The following PRKCB variants were observed in gnomAD, a reference collection of about 807,000 sequenced individuals.
PRKCB encodes protein kinase C beta type.
In PRKCB, 13 loss-of-function variants were observed where a neutral mutation model predicts 81.5. That is an observed-to-expected ratio of 0.16 (90% confidence interval 0.10 to 0.25). The LOEUF (loss-of-function observed/expected upper bound fraction) is 0.25, where lower values mean the gene tolerates loss of function less well. Among genes scored for constraint, PRKCB ranks in the 10% least tolerant of loss-of-function variants. The pLI, the probability that PRKCB is intolerant of heterozygous loss-of-function variation, is 1.00. For synonymous variants in PRKCB, 335 were observed against 321.4 expected, an observed-to-expected ratio of 1.04 and a Z score of -0.45; for missense variants, 509 against 875.7, an observed-to-expected ratio of 0.58 and a Z score of 5.29.
At chr16:23,984,040 G>T (rs1313715758) in intron 2 of PRKCB, among the ~76,000 whole-genome samples, 1 of 152,116 alleles carries the variant, frequency 6.6e-6, no homozygotes, top group African/African-American at 2.4e-5. Flanking sequence ...TTAGAAACTT[G>T]ATACAATGAT....
At chr16:23,941,489 A>G (rs1429932619) in intron 2 of PRKCB, among the ~76,000 whole-genome samples, 1 of 152,214 alleles carries the variant, frequency 6.6e-6, no homozygotes, top group Non-Finnish European at 1.5e-5. Flanking sequence ...ACTTATAAAC[A>G]CAGAGAAAAC....
At chr16:24,127,635 G>A (rs907618400) in intron 9 of PRKCB, among the ~76,000 whole-genome samples, 2 of 151,758 alleles carry the variant, frequency 1.3e-5, no homozygotes, top group Admixed American at 1.3e-4. Context: ...GGGGTTGGGG[G>A]GTAGTGGGTG....
chr16:24,000,391 C>T (rs921304531), intron 3 of PRKCB, among the ~76,000 whole-genome samples: 26 of 152,178 alleles, frequency 1.7e-4, no homozygotes, highest in Non-Finnish European at 3.5e-4. Context: ...TTATTGATCA[C>T]GTCAATGGTG....
intron 2 of PRKCB, among the ~76,000 whole-genome samples, chr16:23,854,042 G>A (rs1049777154): frequency 6.0e-5 from 9 of 149,922 alleles, no homozygotes; most frequent in East Asian, 2.0e-4. Context: ...ATCAGATCTC[G>A]TGAGACTTAT....
chr16:24,068,384 A>C (rs997174390), intron 5 of PRKCB, among the ~76,000 whole-genome samples: 6 of 151,960 alleles, frequency 3.9e-5, no homozygotes, highest in Admixed American at 3.9e-4. Context: ...AATAAGCTTC[A>C]AGCTCTGGTG....
In PRKCB at chr16:23,986,961, T is replaced by TAAGCA. The variant is rs899665635; in HGVS notation, c.206-1543_206-1539dup. 4.0e-4 allele frequency among the ~76,000 whole-genome samples: 61 copies of TAAGCA among 152,322 alleles called. 1 individual carries two copies. Among genetic ancestry groups the TAAGCA allele is most frequent in the African/African-American group, 1.3e-3 (54 of 41,572 alleles). On this transcript the variant is annotated intron_variant, in intron 2 of 16. Transcript: ENST00000643927. The stretch of plus-strand genomic sequence containing the variant: ...TGTATCCTCAAAGATAAGGATTCTA[T>TAAGCA]AAGCAAAGAAAAACAAGACCATTAT...
chr16:23,852,255 G>C (rs1962485521), intron 2 of PRKCB, among the ~76,000 whole-genome samples: 1 of 152,162 alleles, frequency 6.6e-6, no homozygotes, highest in Non-Finnish European at 1.5e-5. Context: ...TCATAATAGA[G>C]CCCATAGTGT....
At chr16:24,175,366 A>G (rs1207336133) in intron 12 of PRKCB, among the ~76,000 whole-genome samples, 1 of 151,970 alleles carries the variant, frequency 6.6e-6, no homozygotes. Context: ...CACATTTATC[A>G]AATCCTACTA....
At chr16:23,876,449 G>A (rs1303657535) in intron 2 of PRKCB, among the ~76,000 whole-genome samples, 7 of 152,076 alleles carry the variant, frequency 4.6e-5, no homozygotes, top group South Asian at 2.1e-4. Context: ...CACTTCCCCC[G>A]TCCACCAGAT....
At chr16:23,946,666 C>A (rs1964206926) in intron 2 of PRKCB, among the ~76,000 whole-genome samples, 1 of 151,976 alleles carries the variant, frequency 6.6e-6, no homozygotes, top group South Asian at 2.1e-4. Flanking sequence ...TAGGCCAGAA[C>A]TGACTAGTAT....
intron 3 of PRKCB, among the ~76,000 whole-genome samples, chr16:24,013,479 G>C (rs1487012931): frequency 2.0e-5 from 3 of 152,084 alleles, no homozygotes; most frequent in African/African-American, 7.2e-5. Flanking sequence ...CTATAAAATA[G>C]GAATAGTCAA....
chr16:23,972,317 G>T (rs1415076322), intron 2 of PRKCB, among the ~76,000 whole-genome samples: 2 of 152,060 alleles, frequency 1.3e-5, no homozygotes. Flanking sequence ...AATTTTGGTG[G>T]TACATGCGTA....
At chr16:23,988,729 C>A in intron 3 of PRKCB, 139 bp downstream of exon 3, 1 of 783,422 alleles carries the variant, frequency 1.3e-6, no homozygotes, top group Non-Finnish European at 2.0e-6. Flanking sequence ...GCTTTTGAGA[C>A]AGTTTTCCTT....
chr16:24,081,128 T>A (rs1240450331), intron 5 of PRKCB, among the ~76,000 whole-genome samples: 1 of 151,932 alleles, frequency 6.6e-6, no homozygotes, highest in Non-Finnish European at 1.5e-5. Context: ...TTTAGTGTCA[T>A]GTGTAAGAAC....
chr16:23,925,145 A>C (rs1227621725), intron 2 of PRKCB, among the ~76,000 whole-genome samples: 4 of 152,100 alleles, frequency 2.6e-5, no homozygotes, highest in African/African-American at 7.2e-5. Flanking sequence ...GAGCACAATG[A>C]CTAGAAGAAT....
chr16:23,937,782 C>A (rs531633829), intron 2 of PRKCB, among the ~76,000 whole-genome samples: 1 of 152,328 alleles, frequency 6.6e-6, no homozygotes, highest in African/African-American at 2.4e-5. Context: ...CCACAGGCCT[C>A]TTACGATGGC....
chr16:24,001,244 G>A (rs571150541), intron 3 of PRKCB, among the ~76,000 whole-genome samples: 3 of 152,156 alleles, frequency 2.0e-5, no homozygotes, highest in Non-Finnish European at 4.4e-5. Context: ...TTTGTCTAAA[G>A]ATACCTTTTT....
intron 2 of PRKCB, among the ~76,000 whole-genome samples, chr16:23,853,222 G>A (rs949280676): frequency 3.9e-5 from 6 of 152,206 alleles, no homozygotes; most frequent in Non-Finnish European, 7.3e-5. Flanking sequence ...TGCTGTAACA[G>A]ACAAACCTTG....
chr16:24,094,865 A>G (rs1302476371), intron 7 of PRKCB, among the ~76,000 whole-genome samples: 2 of 144,670 alleles, frequency 1.4e-5, no homozygotes, highest in Non-Finnish European at 1.6e-5. Flanking sequence ...AGGAAGAAAA[A>G]GGGAAAGGGA....
Sources: gnomAD v4.1 joint callset for allele counts (sites outside exome capture counted in the v4.1 genomes callset) on GRCh38, gnomAD v4.1.1 for gene constraint, MANE v1.5 for transcripts, NCBI Gene and HGNC (gene_info 2026-07-23, HGNC 2026-07-21) for gene names.